The following CCNT1 variants were observed in gnomAD, a reference collection of about 807,000 sequenced individuals.
CCNT1 encodes the protein cyclin T1.
CCNT1 carries 18 observed loss-of-function variants against 67.3 expected under a neutral mutation model. The ratio of observed to expected loss-of-function variants is 0.27; its 90% CI spans 0.18 to 0.40. The LOEUF is 0.40. Ranked by LOEUF, CCNT1 falls within the 10% of genes least tolerant of loss-of-function variation. The probability of loss-of-function intolerance (pLI) is 1.00; values close to 1 mark genes in which losing one functional copy is unlikely to be tolerated. For missense variants in CCNT1, 744 were observed against 884.9 expected (o/e 0.84, Z 2.02); for synonymous variants, 333 against 310.3 (o/e 1.07, Z -0.77).
chr12:48,705,567 T>A, intron 3 of CCNT1: 1 of 558,810 alleles, frequency 1.8e-6, no homozygotes. Flanking sequence ...TGAGCCACCA[T>A]ACCTGGCCTG....
chr12:48,700,318 C>CAAA (rs372908471), intron 4 of CCNT1, among the ~76,000 whole-genome samples: 317 of 82,210 alleles, frequency 3.9e-3, no homozygotes, highest in African/African-American at 0.013. Flanking sequence ...GACTCCGTCT[C>CAAA]AAAAAAAAAA....
At chr12:48,700,870 A>T (rs904347166) in intron 4 of CCNT1, 143 bp downstream of exon 4, 1 of 524,226 alleles carries the variant, frequency 1.9e-6, no homozygotes. Flanking sequence ...AGCTAAACTC[A>T]GGTCTACAAC....
At chr12:48,713,858 A>G (rs1940494071) in intron 2 of CCNT1, among the ~76,000 whole-genome samples, 1 of 151,696 alleles carries the variant, frequency 6.6e-6, no homozygotes, top group Non-Finnish European at 1.5e-5. Flanking sequence ...TACTCCTCCA[A>G]CCCCAAAATG....
rs150816113 is a variant in CCNT1, at chr12:48,707,191, G to A, written c.244-1295C>T. 1.6e-4 allele frequency among the ~76,000 whole-genome samples: 24 copies of A among 152,102 alleles called. No individual in the cohort carries two copies. The East Asian group carries it at 4.4e-3, about 28-fold the overall frequency. On this transcript the variant is annotated intron_variant, in intron 2 of 8. Coordinates refer to ENST00000261900, the MANE Select transcript of CCNT1 (RefSeq NM_001240.4). ...TCAGAGAAAAATGGATATGAACAAA[G>A]GTATGGTGATCTAGGCGTAAAGCAC...
rs1451868079 is a variant in CCNT1, at chr12:48,689,726, A to G, written c.*3307T>C. On this transcript the variant is annotated 3_prime_UTR_variant, in exon 9 of 9. Transcript: ENST00000261900. ...GAAACACAGATATGTTTAAAATCCA[A>G]CCATACTGGGATAGACAGGGCCCCT... 1 of 152,234 alleles carries G rather than the reference A, an allele frequency of 6.6e-6. No individual in the cohort carries two copies. Among genetic ancestry groups the G allele is most frequent in the Non-Finnish European group, 1.5e-5 (1 of 68,044 alleles). The allele number at this position is 152,234 out of a possible 1,614,324, so 9.4% of individuals were successfully genotyped here.
intron 4 of CCNT1, 27 bp from the exon 5 acceptor site, chr12:48,699,867 AAAC>A: frequency 7.0e-7 from 1 of 1,423,946 alleles, no homozygotes; most frequent in Middle Eastern, 1.8e-4. Flanking sequence ...ATGGATTAAA[AAAC>A]TATTAAGAAG....
chr12:48,712,888 C>G (rs1046817472), intron 2 of CCNT1, among the ~76,000 whole-genome samples: 3 of 151,284 alleles, frequency 2.0e-5, no homozygotes, highest in African/African-American at 7.3e-5. Flanking sequence ...TGCAAAGGGC[C>G]AAGATCGTGC....
intron 5 of CCNT1, among the ~76,000 whole-genome samples, chr12:48,698,625 T>C (rs1035351110): frequency 5.3e-5 from 8 of 152,150 alleles, no homozygotes; most frequent in Non-Finnish European, 1.2e-4. Flanking sequence ...CTAGAAGACT[T>C]TGACATATTT....
rs1028191568 is a variant in CCNT1 at position 48,690,411 on chromosome 12, C to T, written c.*2622G>A. 2 of 152,538 alleles carry T rather than the reference C, an allele frequency of 1.3e-5. No homozygotes were observed. The highest frequency in any genetic ancestry group is 4.8e-5 in the African/African-American group (2 of 41,566). The allele number at this position is 152,538 out of a possible 1,614,324, so 9.4% of individuals were successfully genotyped here. ...AAAGACACATAGAGCTCAGAAACCA[C>T]ACAGCCCTTAAAAACCTTAAGTTTA... On this transcript the variant is annotated 3_prime_UTR_variant, in exon 9 of 9. Coordinates refer to ENST00000261900, the MANE Select transcript of CCNT1 (RefSeq NM_001240.4).
In CCNT1 at chr12:48,690,755, C is replaced by T. The variant is rs927573930; in HGVS notation, c.*2278G>A. 6 of 152,286 alleles carry T rather than the reference C, an allele frequency of 3.9e-5. No homozygotes were observed. Among genetic ancestry groups the T allele is most frequent in the East Asian group, 1.9e-4 (1 of 5,188 alleles). The allele number at this position is 152,286 out of a possible 1,614,324, so 9.4% of individuals were successfully genotyped here. A position where few individuals can be genotyped will look rare whatever the true frequency, so the allele number is the denominator to read the frequency against. On this transcript the variant is annotated 3_prime_UTR_variant, in exon 9 of 9. Transcript: ENST00000261900. ...TTTACTACAGTACGGCCATGGATAA[C>T]TGCTATGAGGCCAAATGATTATGTG...
rs1379987078 is a variant in CCNT1, at chr12:48,690,389, GAC to G, written c.*2642_*2643del. ...CCTTTGAAGGTACAAGGATAGGAAA[GAC>G]ACATAGAGCTCAGAAACCACACAGC... On this transcript the variant is annotated 3_prime_UTR_variant, in exon 9 of 9. Transcript: ENST00000261900. 1 of 152,334 alleles carries G rather than the reference GAC, an allele frequency of 6.6e-6. No homozygotes were observed. Among genetic ancestry groups the G allele is most frequent in the Non-Finnish European group, 1.5e-5 (1 of 68,172 alleles). 9.4% of individuals were successfully genotyped at this position (152,334 alleles called of 1,614,324 possible).
In CCNT1 at chr12:48,693,064, G is replaced by A. The variant is rs755131101; in HGVS notation, c.2150C>T (p.Pro717Leu). ...KPRPPPLPSE[P>L]PPPLPPLPK is the part of the protein sequence containing the mutation. ...AGGAAGGGGTGGAAGTGGTGGAGGA[G>A]GTTCTGATGGCAGAGGTGGTGGCCG... Residue 717 changes from proline (P) to leucine (L), a missense_variant, in exon 9 of 9, where the codon CCT becomes CTT. Transcript: ENST00000261900. 4 of 1,611,218 alleles carry A rather than the reference G, an allele frequency of 2.5e-6. No homozygotes were observed. The South Asian group carries it at 3.3e-5, about 13-fold the overall frequency.
At chr12:48,696,776 T>G (rs1314914270) in intron 6 of CCNT1, among the ~76,000 whole-genome samples, 1 of 152,342 alleles carries the variant, frequency 6.6e-6, no homozygotes, top group Middle Eastern at 3.4e-3. Context: ...GGGATATCAT[T>G]GGTTTCCATT....
At chr12:48,709,804 G>C (rs547831581) in intron 2 of CCNT1, among the ~76,000 whole-genome samples, 4 of 152,116 alleles carry the variant, frequency 2.6e-5, no homozygotes, top group African/African-American at 9.6e-5. Flanking sequence ...CTCTGGGTGG[G>C]ATTACAGAGT....
intron 4 of CCNT1, 50 bp downstream of exon 4, chr12:48,700,963 T>C: frequency 8.9e-7 from 1 of 1,128,098 alleles, no homozygotes; most frequent in Non-Finnish European, 1.3e-6. Context: ...TAGAATCAAA[T>C]CATTTTATTG....
At chr12:48,701,347 T>TC (rs1190434471) in intron 3 of CCNT1, among the ~76,000 whole-genome samples, 2 of 147,306 alleles carry the variant, frequency 1.4e-5, no homozygotes, top group Non-Finnish European at 3.0e-5. Flanking sequence ...TGCCTCAGCC[T>TC]CCCAAGTAGC....
At chr12:48,702,772 G>A (rs1025035871) in intron 3 of CCNT1, among the ~76,000 whole-genome samples, 4 of 151,910 alleles carry the variant, frequency 2.6e-5, no homozygotes, top group African/African-American at 9.7e-5. Context: ...AGCTGAGATC[G>A]CACCACGGCA....
intron 1 of CCNT1, among the ~76,000 whole-genome samples, chr12:48,715,712 C>T (rs548515201): frequency 2.2e-4 from 33 of 152,326 alleles, no homozygotes; most frequent in South Asian, 1.0e-3. Flanking sequence ...ATCCACCCGC[C>T]TCGGCCTCCC....
intron 1 of CCNT1, among the ~76,000 whole-genome samples, chr12:48,715,626 A>C (rs2137248320): frequency 6.6e-6 from 1 of 151,880 alleles, no homozygotes. Context: ...ACGCCGGGGT[A>C]ATTTTTTGTA....
Sources: gnomAD v4.1 joint callset for allele counts (sites outside exome capture counted in the v4.1 genomes callset) on GRCh38, gnomAD v4.1.1 for gene constraint, MANE v1.5 for transcripts, NCBI Gene and HGNC (gene_info 2026-07-23, HGNC 2026-07-21) for gene names.